The following ISCA1 variants were observed in gnomAD, a reference collection of about 807,000 sequenced individuals.
ISCA1 encodes the protein iron-sulfur cluster assembly 1.
ISCA1 carries 9 observed loss-of-function variants against 14.7 expected under a neutral mutation model. That is an observed-to-expected ratio of 0.61 (90% confidence interval 0.37 to 1.07). The LOEUF is 1.07. ISCA1 is among the 50% of genes least tolerant of loss of function. ISCA1 has a pLI of 0.01. For missense variants in ISCA1, 102 were observed against 150.1 expected, an observed-to-expected ratio of 0.68 and a Z score of 1.67; for synonymous variants, 38 against 54.3, an observed-to-expected ratio of 0.70 and a Z score of 1.32.
chr9:86,267,717 C>A (rs931897934), intron 3 of ISCA1: 8 of 394,442 alleles, frequency 2.0e-5, no homozygotes, highest in Non-Finnish European at 2.8e-5. Flanking sequence ...CCTATAATCC[C>A]AGCTACTTGG....
chr9:86,266,343 T>C (rs1469259245), intron 3 of ISCA1, 152 bp from the exon 4 acceptor site: 5 of 1,233,364 alleles, frequency 4.1e-6, no homozygotes, highest in Non-Finnish European at 5.5e-6. Context: ...GAATTAAGCA[T>C]TCAGTTTCCT....
intron 1 of ISCA1, among the ~76,000 whole-genome samples, chr9:86,281,122 A>G (rs536601137): frequency 6.6e-6 from 1 of 152,320 alleles, no homozygotes; most frequent in South Asian, 2.1e-4. Flanking sequence ...ACAAAGAATG[A>G]GTTGTGCCCT....
chr9:86,281,563 T>C (rs1825517512), intron 1 of ISCA1, among the ~76,000 whole-genome samples: 1 of 152,232 alleles, frequency 6.6e-6, no homozygotes, highest in Non-Finnish European at 1.5e-5. Context: ...ATGTCTTAAA[T>C]GGCACTGAAT....
Position 86,266,190 on chromosome 9 carries a change from T to C in ISCA1, c.243A>G (p.Gly81=). ...CTTTCTTTTCGATGAATACTCTGAC[T>C]CCTTGGAGAAAAGAAAACATGTGTC... ...GDSDEEVIQD[G]VRVFIEKKAQ... The change falls in exon 4 of 4, where the codon GGA becomes GGG. Residue 81 remains glycine, a splice_region_variant and synonymous_variant. Transcript: ENST00000375991. 3 of 1,600,088 alleles carry C rather than the reference T, an allele frequency of 1.9e-6. No individual in the cohort carries two copies. Among genetic ancestry groups the C allele is most frequent in the Non-Finnish European group, 2.6e-6 (3 of 1,175,120 alleles).
intron 2 of ISCA1, 45 bp from the exon 3 acceptor site, chr9:86,272,157 G>C: frequency 8.8e-7 from 1 of 1,139,330 alleles, no homozygotes; most frequent in Non-Finnish European, 1.3e-6. Flanking sequence ...AAGTAGTACA[G>C]ATTAAACAAT....
intron 3 of ISCA1, among the ~76,000 whole-genome samples, chr9:86,268,592 T>TC (rs1418118162): frequency 6.6e-6 from 1 of 152,126 alleles, no homozygotes; most frequent in Non-Finnish European, 1.5e-5. Flanking sequence ...CACTTATCAC[T>TC]CCCTACTCAC....
intron 1 of ISCA1, chr9:86,282,087 C>G (rs1825525409): frequency 2.2e-6 from 1 of 452,018 alleles, no homozygotes; most frequent in African/African-American, 2.1e-5. Context: ...CGATCGGCCC[C>G]CGGGGACGCC....
chr9:86,269,853 A>G (rs1825344043), intron 3 of ISCA1, among the ~76,000 whole-genome samples: 1 of 152,232 alleles, frequency 6.6e-6, no homozygotes, highest in Non-Finnish European at 1.5e-5. Context: ...AGGATTCTCT[A>G]TTTAATAAAT....
chr9:86,276,747 T>C (rs1482801887), intron 1 of ISCA1, among the ~76,000 whole-genome samples: 2 of 151,886 alleles, frequency 1.3e-5, no homozygotes, highest in Non-Finnish European at 2.9e-5. Flanking sequence ...GGCATGCGCC[T>C]GTAATCCCAG....
At chr9:86,277,632 G>A (rs1176027611) in intron 1 of ISCA1, among the ~76,000 whole-genome samples, 1 of 152,178 alleles carries the variant, frequency 6.6e-6, no homozygotes, top group Non-Finnish European at 1.5e-5. Flanking sequence ...TACACAGCAT[G>A]CTGCAGGGCC....
Sources: allele counts gnomAD v4.1 joint callset (sites outside exome capture counted in the v4.1 genomes callset), GRCh38; gene constraint gnomAD v4.1.1; transcripts MANE v1.5; gene names NCBI Gene and HGNC (gene_info 2026-07-23, HGNC 2026-07-21).